The following DGKG variants were observed in gnomAD, a reference collection of about 807,000 sequenced individuals.
DGKG encodes the protein diacylglycerol kinase gamma, also known as DAG kinase gamma.
In DGKG, 78 loss-of-function variants were observed where a neutral mutation model predicts 105.3. The ratio of observed to expected loss-of-function variants is 0.74; its 90% CI spans 0.62 to 0.89. DGKG has a LOEUF of 0.89. DGKG is among the 40% of genes least tolerant of loss of function. DGKG has a pLI of 0.00. For synonymous variants in DGKG, 346 were observed against 367.1 expected (o/e 0.94, Z 0.66); for missense variants, 958 against 1,020.1 (o/e 0.94, Z 0.83).
At position 186,149,588 on chromosome 3, in the gene DGKG, A is replaced by C; in HGVS notation, c.*502T>G. 1 of 985,862 alleles carries C rather than the reference A, an allele frequency of 1.0e-6. No individual in the cohort carries two copies. Among genetic ancestry groups the C allele is most frequent in the South Asian group, 4.7e-5 (1 of 21,316 alleles). 61.1% of individuals were successfully genotyped at this position (985,862 alleles called of 1,614,324 possible). A position where few individuals can be genotyped will look rare whatever the true frequency, so the allele number is the denominator to read the frequency against. On this transcript the variant is annotated 3_prime_UTR_variant, in exon 25 of 25. Transcript: ENST00000265022. ...CGCCTGCTGAGCCCTGCCAAGGATT[A>C]TGCTCTGAGAGCCGGAGGCCGTTTT... is the stretch of plus-strand genomic sequence containing the variant.
At chr3:186,349,373 G>A (rs1726517005) in intron 1 of DGKG, among the ~76,000 whole-genome samples, 1 of 152,084 alleles carries the variant, frequency 6.6e-6, no homozygotes, top group Non-Finnish European at 1.5e-5. Context: ...CAATGTTTGT[G>A]CTTCCACTGC....
At chr3:186,158,449 A>C in intron 24 of DGKG, 1 of 976,106 alleles carries the variant, frequency 1.0e-6, no homozygotes, top group Non-Finnish European at 1.2e-6. Context: ...TAAGTCTCCA[A>C]GTGACTAAAT....
At chr3:186,268,423 C>T (rs1416690565) in intron 12 of DGKG, among the ~76,000 whole-genome samples, 1 of 152,146 alleles carries the variant, frequency 6.6e-6, no homozygotes, top group Admixed American at 6.5e-5. Flanking sequence ...AGGGCAGGCA[C>T]CCCCTCCTAT....
rs1179343743 is a variant in DGKG, at chr3:186,335,528, C to A, written c.-248-14821G>T. Reference sequence around the variant, plus strand: ...GGGGAATGCCTTTTGTTTTCATATTCATTTAAAGTATACTCCATTGGATGG... The same window carrying A: ...GGGGAATGCCTTTTGTTTTCATATTAATTTAAAGTATACTCCATTGGATGG... On this transcript the variant is annotated intron_variant, in intron 1 of 24. Transcript: ENST00000265022. Among the ~76,000 whole-genome samples the A allele has an allele frequency of 7.2e-5, 11 of 152,252 alleles. No homozygotes were observed. The East Asian group carries it at 1.9e-3, about 27-fold the overall frequency.
intron 1 of DGKG, among the ~76,000 whole-genome samples, chr3:186,345,045 G>T (rs1386485892): frequency 6.6e-6 from 1 of 152,192 alleles, no homozygotes; most frequent in Non-Finnish European, 1.5e-5. Flanking sequence ...CACCTCTACC[G>T]TGTTTCCATC....
At chr3:186,343,649 C>A (rs1184836111) in intron 1 of DGKG, among the ~76,000 whole-genome samples, 2 of 152,136 alleles carry the variant, frequency 1.3e-5, no homozygotes, top group Non-Finnish European at 2.9e-5. Context: ...ACAGCGTGAG[C>A]ATGATACTAG....
Position 186,322,656 on chromosome 3 carries a change from A to T in DGKG, c.-248-1949T>A, listed in dbSNP as rs545829504. Among the ~76,000 whole-genome samples, 46 of 152,092 alleles carry T rather than the reference A, an allele frequency of 3.0e-4. No homozygotes were observed. In the South Asian group the frequency reaches 7.9e-3, roughly 26 times the overall value. On this transcript the variant is annotated intron_variant, in intron 1 of 24. Transcript: ENST00000265022. ...TCACTCTACATCCCTTCTCTGATGG[A>T]CCTCATCCACCTCCAAGCTTTAATG...
intron 20 of DGKG, among the ~76,000 whole-genome samples, chr3:186,223,506 C>A (rs761456839): frequency 3.9e-5 from 6 of 152,038 alleles, no homozygotes; most frequent in Non-Finnish European, 8.8e-5. Context: ...CTTACCTTTC[C>A]CATCATGAAA....
At chr3:186,212,930 A>G (rs1005567262) in intron 20 of DGKG, among the ~76,000 whole-genome samples, 5 of 152,192 alleles carry the variant, frequency 3.3e-5, no homozygotes, top group African/African-American at 1.2e-4. Context: ...GATGAAGGGG[A>G]AAGGAGCAGT....
At chr3:186,215,002 T>C (rs971159366) in intron 20 of DGKG, among the ~76,000 whole-genome samples, 5 of 152,104 alleles carry the variant, frequency 3.3e-5, no homozygotes, top group East Asian at 1.9e-4. Context: ...AGAGAGAGAA[T>C]AGTCTTGCTG....
intron 9 of DGKG, among the ~76,000 whole-genome samples, chr3:186,276,757 G>T (rs2108591404): frequency 6.6e-6 from 1 of 152,262 alleles, no homozygotes; most frequent in Middle Eastern, 3.4e-3. Flanking sequence ...TTTCTCATAG[G>T]CTCCATTACA....
intron 3 of DGKG, among the ~76,000 whole-genome samples, chr3:186,302,516 A>ATATG (rs1376254393): frequency 1.9e-5 from 1 of 52,574 alleles, no homozygotes; most frequent in Non-Finnish European, 3.8e-5. Context: ...ACATATGTGT[A>ATATG]TATATATATA....
At chr3:186,351,040 G>T (rs1326840973) in intron 1 of DGKG, among the ~76,000 whole-genome samples, 2 of 152,058 alleles carry the variant, frequency 1.3e-5, no homozygotes, top group Non-Finnish European at 1.5e-5. Context: ...TCCATTCTGT[G>T]CAGTCTCTGA....
chr3:186,353,565 G>GTATATATATA (rs66460527), intron 1 of DGKG, among the ~76,000 whole-genome samples: 2 of 117,026 alleles, frequency 1.7e-5, no homozygotes, highest in Non-Finnish European at 3.4e-5. Context: ...TTTTATGTAT[G>GTATATATATA]TATATATATA....
At chr3:186,236,328 G>A (rs913090831) in intron 20 of DGKG, among the ~76,000 whole-genome samples, 15 of 152,152 alleles carry the variant, frequency 9.9e-5, no homozygotes, top group Non-Finnish European at 1.6e-4. Flanking sequence ...CCCTTTTATT[G>A]TCAATACTTT....
chr3:186,288,625 C>A (rs937958443), intron 6 of DGKG, 85 bp downstream of exon 6: 5 of 1,424,934 alleles, frequency 3.5e-6, no homozygotes, highest in Non-Finnish European at 4.9e-6. Context: ...TCAACTCAAT[C>A]TCCAGTGTGT....
chr3:186,223,434 G>A (rs992583189), intron 20 of DGKG, among the ~76,000 whole-genome samples: 4 of 152,096 alleles, frequency 2.6e-5, no homozygotes, highest in South Asian at 4.2e-4. Context: ...CCCCACCATC[G>A]GCTGGTTAGA....
chr3:186,347,727 T>G (rs1726416378), intron 1 of DGKG, among the ~76,000 whole-genome samples: 1 of 151,898 alleles, frequency 6.6e-6, no homozygotes, highest in South Asian at 2.1e-4. Flanking sequence ...GGATTATAGA[T>G]GCCCACCACC....
At chr3:186,336,568 G>C (rs1383591501) in intron 1 of DGKG, among the ~76,000 whole-genome samples, 2 of 152,154 alleles carry the variant, frequency 1.3e-5, no homozygotes, top group African/African-American at 4.8e-5. Context: ...CGAAATCTAA[G>C]TGAAGCCAGA....
Sources: gnomAD v4.1 joint callset for allele counts (sites outside exome capture counted in the v4.1 genomes callset) on GRCh38, gnomAD v4.1.1 for gene constraint, MANE v1.5 for transcripts, NCBI Gene and HGNC (gene_info 2026-07-23, HGNC 2026-07-21) for gene names.